The following PSMD1 variants were observed in gnomAD, a reference collection of about 807,000 sequenced individuals.
PSMD1 encodes the protein 26S proteasome non-ATPase regulatory subunit 1.
PSMD1 carries 18 observed loss-of-function variants against 119.0 expected under a neutral mutation model. The observed-to-expected ratio is 0.15, with a 90% CI of 0.10 to 0.22. The LOEUF (loss-of-function observed/expected upper bound fraction) is 0.22. PSMD1 is among the 10% of genes least tolerant of loss of function. PSMD1 has a pLI of 1.00. For missense variants in PSMD1, 702 were observed against 1,158.5 expected (o/e 0.61, Z 5.72); for synonymous variants, 374 against 396.6 (o/e 0.94, Z 0.68).
chr2:231,065,276 G>GTTTTTTT (rs974932639), intron 4 of PSMD1, among the ~76,000 whole-genome samples: 1 of 148,150 alleles, frequency 6.7e-6, no homozygotes, highest in African/African-American at 2.5e-5. Flanking sequence ...TTGTTTTTTT[G>GTTTTTTT]TTTTTTTTGT....
intron 12 of PSMD1, among the ~76,000 whole-genome samples, chr2:231,081,622 G>T (rs1694311986): frequency 1.3e-5 from 2 of 152,204 alleles, no homozygotes; most frequent in South Asian, 4.1e-4. Context: ...CTTTGGCTAG[G>T]GGAAGGTGGG....
chr2:231,072,150 T>C, intron 6 of PSMD1, 39 bp from the exon 7 acceptor site: 1 of 1,532,312 alleles, frequency 6.5e-7, no homozygotes, highest in Non-Finnish European at 9.0e-7. Flanking sequence ...TAGATGAAGT[T>C]TTTAATTATT....
chr2:231,075,961 C>T (rs977444165), intron 8 of PSMD1, among the ~76,000 whole-genome samples: 1 of 152,084 alleles, frequency 6.6e-6, no homozygotes, highest in Admixed American at 6.5e-5. Flanking sequence ...TAAATTCTTT[C>T]AAGTATATAT....
intron 16 of PSMD1, chr2:231,123,834 C>G: frequency 8.2e-7 from 1 of 1,223,528 alleles, no homozygotes; most frequent in Non-Finnish European, 1.2e-6. Flanking sequence ...AGCTGCTCAT[C>G]TGTTTTTTTA....
intron 12 of PSMD1, among the ~76,000 whole-genome samples, chr2:231,082,235 G>A (rs979831554): frequency 2.6e-5 from 4 of 152,008 alleles, no homozygotes; most frequent in Non-Finnish European, 4.4e-5. Context: ...GCTAATTTAT[G>A]TTTATTTTTT....
At chr2:231,153,474 C>G (rs1345345100) in intron 18 of PSMD1, 90 bp from the exon 19 acceptor site, 7 of 932,602 alleles carry the variant, frequency 7.5e-6, no homozygotes, top group Non-Finnish European at 1.2e-5. Flanking sequence ...AGAACTAACT[C>G]ATTATCATTG....
intron 19 of PSMD1, among the ~76,000 whole-genome samples, chr2:231,155,415 G>A (rs1361657896): frequency 6.6e-6 from 1 of 151,652 alleles, no homozygotes; most frequent in African/African-American, 2.4e-5. Context: ...ATCTTTTTGG[G>A]TTTTCTACTT....
intron 16 of PSMD1, chr2:231,108,656 C>T (rs1204810611): frequency 6.2e-7 from 1 of 1,613,840 alleles, no homozygotes; most frequent in African/African-American, 1.3e-5. Context: ...AGGGTTAATC[C>T]CATTTCGAAT....
At chr2:231,072,703 G>A (rs1344374654) in intron 7 of PSMD1, among the ~76,000 whole-genome samples, 1 of 152,026 alleles carries the variant, frequency 6.6e-6, no homozygotes, top group African/African-American at 2.4e-5. Context: ...AAAAACAGGT[G>A]GGGATAGGTT....
intron 16 of PSMD1, among the ~76,000 whole-genome samples, chr2:231,125,993 T>A (rs1695710041): frequency 6.6e-6 from 1 of 152,234 alleles, no homozygotes; most frequent in Non-Finnish European, 1.5e-5. Flanking sequence ...GCTGCTTTTT[T>A]AAAAACTCAA....
intron 16 of PSMD1, among the ~76,000 whole-genome samples, chr2:231,125,853 A>G (rs993196876): frequency 6.6e-6 from 1 of 152,236 alleles, no homozygotes; most frequent in Non-Finnish European, 1.5e-5. Flanking sequence ...TTAATTACTT[A>G]TAAATCAGTG....
chr2:231,082,579 C>T (rs1162199312), intron 12 of PSMD1, among the ~76,000 whole-genome samples: 1 of 152,180 alleles, frequency 6.6e-6, no homozygotes, highest in African/African-American at 2.4e-5. Flanking sequence ...GTGGCAGCCA[C>T]CTGTAATCCC....
chr2:231,089,894 C>G (rs911796822), intron 16 of PSMD1, among the ~76,000 whole-genome samples: 1 of 152,146 alleles, frequency 6.6e-6, no homozygotes, highest in Non-Finnish European at 1.5e-5. Flanking sequence ...CCCACTGACT[C>G]CAATGTTAAT....
intron 13 of PSMD1, among the ~76,000 whole-genome samples, 186 bp from the exon 14 acceptor site, chr2:231,083,381 C>T (rs563227371): frequency 4.4e-4 from 67 of 152,212 alleles, no homozygotes; most frequent in Non-Finnish European, 5.3e-4. Flanking sequence ...TATGAATGTG[C>T]GAACCCTAAA....
chr2:231,171,534 ACACGTTTT>A (rs1280240761), intron 24 of PSMD1, among the ~76,000 whole-genome samples: 2 of 150,976 alleles, frequency 1.3e-5, no homozygotes, highest in Non-Finnish European at 2.9e-5. Context: ...CCAAGCACAA[ACACGTTTT>A]CAGACAATTT....
Position 231,079,605 on chromosome 2 carries a change from A to G in PSMD1, c.1230A>G (p.Val410=). The part of the protein sequence containing the change: ...AKFTATASLG[V]IHKGHEKEAL... ...TTACTGCTACAGCCAGTTTGGGTGTAATTCATAAGGTAATATATATTGGTC... is the reference window on the plus strand; with the variant it reads ...TTACTGCTACAGCCAGTTTGGGTGTGATTCATAAGGTAATATATATTGGTC... Residue 410 remains valine, a synonymous_variant, in exon 11 of 25, where the codon GTA becomes GTG. Coordinates refer to ENST00000308696, the MANE Select transcript of PSMD1 (RefSeq NM_002807.4). 1 of 1,603,208 alleles carries G rather than the reference A, an allele frequency of 6.2e-7. No individual in the cohort carries two copies. Among genetic ancestry groups the G allele is most frequent in the Non-Finnish European group, 8.5e-7 (1 of 1,172,836 alleles).
At chr2:231,118,629 G>C (rs1574746786) in intron 16 of PSMD1, among the ~76,000 whole-genome samples, 1 of 152,036 alleles carries the variant, frequency 6.6e-6, no homozygotes, top group Non-Finnish European at 1.5e-5. Context: ...AAAAACCTGA[G>C]GAGTTTTACT....
intron 5 of PSMD1, among the ~76,000 whole-genome samples, chr2:231,069,556 A>T (rs1174808647): frequency 1.3e-5 from 2 of 152,154 alleles, no homozygotes; most frequent in Admixed American, 6.5e-5. Context: ...CACCAGACAG[A>T]TGTGGCAGTA....
In PSMD1 at chr2:231,070,012, CTA is replaced by C. The variant is rs781683056; in HGVS notation, c.511-11_511-10del. 1.9e-5 allele frequency: 27 copies of C among 1,404,474 alleles called. No homozygotes were observed. Among genetic ancestry groups the C allele is most frequent in the Non-Finnish European group, 2.5e-5 (27 of 1,065,946 alleles). 87.0% of individuals were successfully genotyped at this position (1,404,474 alleles called of 1,614,324 possible). A position where few individuals can be genotyped will look rare whatever the true frequency, so the allele number is the denominator to read the frequency against. ...AACCAGATAACGTTATATCTTTAAA[CTA>C]TCTCTTTCAGAATGATGTCCCAGGA... On this transcript the variant is annotated splice_polypyrimidine_tract_variant and intron_variant, in intron 5 of 24. Coordinates refer to ENST00000308696, the MANE Select transcript of PSMD1 (RefSeq NM_002807.4).
Sources: gnomAD v4.1 joint callset for allele counts (sites outside exome capture counted in the v4.1 genomes callset) on GRCh38, gnomAD v4.1.1 for gene constraint, MANE v1.5 for transcripts, NCBI Gene and HGNC (gene_info 2026-07-23, HGNC 2026-07-21) for gene names.